The following SLC25A31 variants were observed in gnomAD, a reference collection of about 807,000 sequenced individuals.
SLC25A31 encodes ADP/ATP translocase 4.
Under a neutral mutation model 36.2 loss-of-function variants are expected in SLC25A31, and 40 were observed. The ratio of observed to expected loss-of-function variants is 1.10; its 90% CI spans 0.86 to 1.44. The LOEUF (loss-of-function observed/expected upper bound fraction) is 1.44. Ranked by LOEUF, SLC25A31 falls within the 40% of genes most tolerant of loss-of-function variation. The pLI is 0.00. For missense variants in SLC25A31, 350 were observed against 397.1 expected, an observed-to-expected ratio of 0.88 and a Z score of 1.01; for synonymous variants, 143 against 149.7, an observed-to-expected ratio of 0.96 and a Z score of 0.32.
intron 2 of SLC25A31, among the ~76,000 whole-genome samples, chr4:127,747,112 A>G (rs1578660302): frequency 1.3e-5 from 2 of 152,120 alleles, no homozygotes; most frequent in Non-Finnish European, 2.9e-5. Context: ...TGGGCTCTCT[A>G]TTCTGTTCCA....
chr4:127,734,381 G>A (rs1477121197), intron 1 of SLC25A31, among the ~76,000 whole-genome samples: 1 of 151,896 alleles, frequency 6.6e-6, no homozygotes, highest in Non-Finnish European at 1.5e-5. Context: ...CCAACATGGT[G>A]AAACCCCGTC....
chr4:127,758,214 G>T (rs1036749458), intron 2 of SLC25A31, among the ~76,000 whole-genome samples: 1 of 152,088 alleles, frequency 6.6e-6, no homozygotes, highest in Non-Finnish European at 1.5e-5. Context: ...ATTTCGGTGA[G>T]GACACAGCCA....
chr4:127,730,891 G>C (rs923302226), intron 1 of SLC25A31, 114 bp downstream of exon 1: 8 of 1,002,776 alleles, frequency 8.0e-6, no homozygotes, highest in Non-Finnish European at 1.2e-5. Flanking sequence ...AGCTACAGCT[G>C]TCGGTGATGA....
chr4:127,773,633 G>C lies in SLC25A31; in HGVS notation c.*59G>C. On this transcript the variant is annotated 3_prime_UTR_variant, in exon 6 of 6. Coordinates refer to ENST00000281154, the MANE Select transcript of SLC25A31 (RefSeq NM_031291.4). ...ACTTGTTAAACATACAAATTACATA[G>C]CTGCCATTTGCATACATTTTGATAG... The C allele has an allele frequency of 7.6e-7, 1 of 1,317,820 alleles. No homozygotes were observed. The highest frequency in any genetic ancestry group is 1.0e-6 in the Non-Finnish European group (1 of 979,668). 81.6% of individuals were successfully genotyped at this position (1,317,820 alleles called of 1,614,324 possible).
At chr4:127,754,178 C>T (rs1388186784) in intron 2 of SLC25A31, among the ~76,000 whole-genome samples, 2 of 152,042 alleles carry the variant, frequency 1.3e-5, no homozygotes, top group Non-Finnish European at 2.9e-5. Context: ...ATATGATAAG[C>T]CCACAGCTAA....
intron 1 of SLC25A31, among the ~76,000 whole-genome samples, chr4:127,735,124 C>T (rs1731599546): frequency 6.6e-6 from 1 of 152,176 alleles, no homozygotes; most frequent in South Asian, 2.1e-4. Flanking sequence ...CAAGAAAAAG[C>T]TGATGCCATT....
At chr4:127,755,206 A>G (rs1393136606) in intron 2 of SLC25A31, among the ~76,000 whole-genome samples, 2 of 152,220 alleles carry the variant, frequency 1.3e-5, no homozygotes, top group African/African-American at 2.4e-5. Flanking sequence ...ACTCCATGAC[A>G]TTGGTCTGAG....
chr4:127,748,811 A>G (rs1242541391), intron 2 of SLC25A31, among the ~76,000 whole-genome samples: 3 of 152,194 alleles, frequency 2.0e-5, no homozygotes, highest in African/African-American at 7.2e-5. Flanking sequence ...TAAGACTGCA[A>G]GAAAAGTTTG....
intron 2 of SLC25A31, among the ~76,000 whole-genome samples, chr4:127,745,045 A>G (rs1383473166): frequency 3.3e-5 from 5 of 152,176 alleles, no homozygotes; most frequent in Non-Finnish European, 1.5e-5. Flanking sequence ...TTGAATAAAT[A>G]TTACACTTAA....
chr4:127,753,968 G>T (rs980973012), intron 2 of SLC25A31, among the ~76,000 whole-genome samples: 2 of 152,116 alleles, frequency 1.3e-5, no homozygotes, highest in Admixed American at 1.3e-4. Context: ...TATTTATTAT[G>T]ATCAAGTGGG....
intron 3 of SLC25A31, among the ~76,000 whole-genome samples, chr4:127,766,141 T>G (rs892116079): frequency 1.1e-5 from 1 of 92,490 alleles, no homozygotes; most frequent in Non-Finnish European, 2.3e-5. Flanking sequence ...AGTCCTGGAG[T>G]TTTTTTATTT....
intron 2 of SLC25A31, among the ~76,000 whole-genome samples, chr4:127,757,927 GAAA>G (rs1732059965): frequency 6.6e-6 from 1 of 152,152 alleles, no homozygotes; most frequent in Non-Finnish European, 1.5e-5. Context: ...AGACTGGGAA[GAAA>G]AACAGGTTTA....
intron 2 of SLC25A31, among the ~76,000 whole-genome samples, chr4:127,760,678 T>G (rs1236120088): frequency 6.6e-6 from 1 of 152,224 alleles, no homozygotes. Context: ...TAAATAGGAT[T>G]ATTTTTCCTC....
At chr4:127,768,469 TTC>T (rs1732287547) in intron 4 of SLC25A31, among the ~76,000 whole-genome samples, 1 of 152,078 alleles carries the variant, frequency 6.6e-6, no homozygotes, top group Non-Finnish European at 1.5e-5. Context: ...ATGGAAGAAC[TTC>T]TTTTTTGTCA....
chr4:127,751,725 A>G (rs1731936614), intron 2 of SLC25A31, among the ~76,000 whole-genome samples: 1 of 152,234 alleles, frequency 6.6e-6, no homozygotes, highest in Admixed American at 6.5e-5. Context: ...CAAATTTACA[A>G]GAAAAAAACA....
Position 127,740,541 on chromosome 4 carries a change from A to T in SLC25A31, c.233-4131A>T, listed in dbSNP as rs546026873. ...TGACCCCTATTTACTGGGAGAAAGG[A>T]TGCGCCAGGCTGATGATTCAGGAGA... On this transcript the variant is annotated intron_variant, in intron 1 of 5. Transcript: ENST00000281154. Among the ~76,000 whole-genome samples, 19 of 152,338 alleles carry T rather than the reference A, an allele frequency of 1.2e-4. No homozygotes were observed. The South Asian group carries it at 3.7e-3, about 30-fold the overall frequency.
chr4:127,772,980 T>C (rs1166917183), intron 5 of SLC25A31, among the ~76,000 whole-genome samples: 3 of 151,894 alleles, frequency 2.0e-5, no homozygotes, highest in Admixed American at 2.0e-4. Context: ...ATGGCATTTT[T>C]CCATATTGCC....
At chr4:127,766,382 G>C (rs1732244789) in intron 3 of SLC25A31, among the ~76,000 whole-genome samples, 2 of 151,960 alleles carry the variant, frequency 1.3e-5, no homozygotes, top group Non-Finnish European at 2.9e-5. Context: ...TGCCCAGGCT[G>C]GTCTTGAACT....
chr4:127,754,492 A>G lies in SLC25A31; in HGVS notation c.360+9693A>G, dbSNP rs544440671. ...ATTAGTCACATTTTACATACTAACA[A>G]TGAATTCTTTTAACAAGAAATAAGA... is the stretch of plus-strand genomic sequence containing the variant. On this transcript the variant is annotated intron_variant, in intron 2 of 5. Transcript: ENST00000281154. 2.0e-5 allele frequency among the ~76,000 whole-genome samples: 3 copies of G among 152,196 alleles called. No individual in the cohort carries two copies. The East Asian group carries it at 5.8e-4, about 29-fold the overall frequency.
Sources: allele counts gnomAD v4.1 joint callset (sites outside exome capture counted in the v4.1 genomes callset), GRCh38; gene constraint gnomAD v4.1.1; transcripts MANE v1.5; gene names NCBI Gene and HGNC (gene_info 2026-07-23, HGNC 2026-07-21).